SUSD3: variants seen among roughly 807,000 people sequenced by gnomAD.
SUSD3 encodes sushi domain containing 3.
A neutral mutation model predicts 20.6 loss-of-function variants in SUSD3; 18 were observed. The observed-to-expected ratio is 0.87, with a 90% CI of 0.60 to 1.30. SUSD3 has a LOEUF of 1.30. Among genes scored for constraint, SUSD3 ranks in the 50% most tolerant of loss-of-function variants. SUSD3 has a pLI of 0.00. For missense variants in SUSD3, 306 were observed against 346.9 expected (o/e 0.88, Z 0.94); for synonymous variants, 137 against 141.5 (o/e 0.97, Z 0.23).
chr9:93,063,130 T>A (rs971579158), intron 1 of SUSD3, among the ~76,000 whole-genome samples: 1 of 151,856 alleles, frequency 6.6e-6, no homozygotes, highest in Admixed American at 6.6e-5. Flanking sequence ...AGGAAAGGAG[T>A]ACAGGAGACC....
At chr9:93,062,952 G>A (rs1008297912) in intron 1 of SUSD3, among the ~76,000 whole-genome samples, 2 of 152,190 alleles carry the variant, frequency 1.3e-5, no homozygotes, top group East Asian at 1.9e-4. Context: ...CTGTGAGTTC[G>A]CTGTGAATCC....
chr9:93,078,548 C>T (rs1252267764), intron 3 of SUSD3, among the ~76,000 whole-genome samples: 1 of 152,120 alleles, frequency 6.6e-6, no homozygotes, highest in Admixed American at 6.5e-5. Flanking sequence ...AGGCGTGAGC[C>T]ACCGCGCCCG....
At position 93,061,289 on chromosome 9, in the gene SUSD3, C is replaced by T. The variant is rs79910083; in HGVS notation, c.88+2459C>T. Among the ~76,000 whole-genome samples the T allele has an allele frequency of 6.5e-3, 988 of 152,340 alleles. 6 individuals carry two copies. The highest frequency in any genetic ancestry group is 0.01 in the Middle Eastern group (3 of 294). ...CTCCTGCCCCAGAACTGGACTGTGT[C>T]CATTTTACAGAGGAGAAACTGAGAC... On this transcript the variant is annotated intron_variant, in intron 1 of 4. Coordinates refer to ENST00000375472, the MANE Select transcript of SUSD3 (RefSeq NM_145006.4).
At chr9:93,076,520 C>A (rs1826174620) in intron 2 of SUSD3, among the ~76,000 whole-genome samples, 1 of 152,170 alleles carries the variant, frequency 6.6e-6, no homozygotes, top group Admixed American at 6.6e-5. Flanking sequence ...AGTCCCTTTT[C>A]AGTGCCCAGC....
chr9:93,076,085 GC>G, intron 2 of SUSD3, 113 bp downstream of exon 2: 1 of 938,232 alleles, frequency 1.1e-6, no homozygotes, highest in Non-Finnish European at 1.6e-6. Context: ...AAGCAGCTAG[GC>G]CAGTGTGTAG....
chr9:93,069,214 G>T (rs140908862), intron 1 of SUSD3: 1 of 690,418 alleles, frequency 1.4e-6, no homozygotes, highest in South Asian at 1.5e-5. Flanking sequence ...GCTCCACCCC[G>T]CCTGGGATTG....
At chr9:93,065,087 C>T (rs922295015) in intron 1 of SUSD3, among the ~76,000 whole-genome samples, 12 of 152,160 alleles carry the variant, frequency 7.9e-5, no homozygotes. Context: ...GCCACCCCTT[C>T]CCTGGGACCC....
chr9:93,084,838 T>C lies in SUSD3; in HGVS notation c.*91T>C, dbSNP rs943515470. 2 of 1,179,752 alleles carry C rather than the reference T, an allele frequency of 1.7e-6. No homozygotes were observed. The highest frequency in any genetic ancestry group is 2.3e-6 in the Non-Finnish European group (2 of 871,686). The allele number at this position is 1,179,752 out of a possible 1,614,324, so 73.1% of individuals were successfully genotyped here. A position where few individuals can be genotyped will look rare whatever the true frequency, so the allele number is the denominator to read the frequency against. On this transcript the variant is annotated 3_prime_UTR_variant, in exon 5 of 5. Coordinates refer to ENST00000375472, the MANE Select transcript of SUSD3 (RefSeq NM_145006.4). ...GCTACAACTCCACATCAACTCCACA[T>C]GCGCCCAGCTCGAGACTGATGAGTG...
At chr9:93,068,418 G>A (rs1224052033) in intron 1 of SUSD3, among the ~76,000 whole-genome samples, 3 of 152,156 alleles carry the variant, frequency 2.0e-5, no homozygotes, top group Non-Finnish European at 2.9e-5. Context: ...TCAGTTTGTT[G>A]AAAAACTATT....
Position 93,061,428 on chromosome 9 carries a change from C to T in SUSD3, c.88+2598C>T, listed in dbSNP as rs562925373. ...GCTGCTGGTAGAAGGCATAGGTTCCCGGACCCTCGGTTTTCCACCAGGGAT... is the reference window on the plus strand; with the variant it reads ...GCTGCTGGTAGAAGGCATAGGTTCCTGGACCCTCGGTTTTCCACCAGGGAT... On this transcript the variant is annotated intron_variant, in intron 1 of 4. Transcript: ENST00000375472. 2.0e-5 allele frequency among the ~76,000 whole-genome samples: 3 copies of T among 152,398 alleles called. No individual in the cohort carries two copies. In the South Asian group the frequency reaches 6.2e-4, roughly 32 times the overall value.
At chr9:93,061,887 T>A (rs996638846) in intron 1 of SUSD3, among the ~76,000 whole-genome samples, 4 of 152,224 alleles carry the variant, frequency 2.6e-5, no homozygotes, top group African/African-American at 9.6e-5. Context: ...AGCCTGCCTC[T>A]GTCACTCTCT....
chr9:93,064,337 C>A (rs902848448), intron 1 of SUSD3, among the ~76,000 whole-genome samples: 1 of 152,222 alleles, frequency 6.6e-6, no homozygotes, highest in African/African-American at 2.4e-5. Flanking sequence ...TGAGCCACCG[C>A]ACCCAGCCGA....
chr9:93,077,343 T>C (rs968771697), intron 2 of SUSD3, among the ~76,000 whole-genome samples: 2 of 151,960 alleles, frequency 1.3e-5, no homozygotes, highest in Admixed American at 1.3e-4. Context: ...CTGTCTATTG[T>C]CACCTCCTCT....
chr9:93,069,293 C>T, intron 1 of SUSD3: 1 of 573,594 alleles, frequency 1.7e-6, no homozygotes, highest in South Asian at 2.2e-5. Flanking sequence ...GTTCAGGCAA[C>T]TCTCATTTCA....
chr9:93,074,718 G>A (rs566685235), intron 1 of SUSD3, among the ~76,000 whole-genome samples: 3 of 145,570 alleles, frequency 2.1e-5, no homozygotes, highest in Non-Finnish European at 4.5e-5. Flanking sequence ...TGGTTCAATC[G>A]ATTCTCCTGC....
chr9:93,073,973 G>A (rs1009031195), intron 1 of SUSD3, among the ~76,000 whole-genome samples: 4 of 152,180 alleles, frequency 2.6e-5, no homozygotes, highest in South Asian at 4.1e-4. Context: ...CTCATCTGTC[G>A]ATGGGGATAA....
At chr9:93,074,239 G>A (rs1826029584) in intron 1 of SUSD3, among the ~76,000 whole-genome samples, 1 of 152,004 alleles carries the variant, frequency 6.6e-6, no homozygotes, top group South Asian at 2.1e-4. Flanking sequence ...GGTCATCATG[G>A]CCAACATGGT....
intron 1 of SUSD3, among the ~76,000 whole-genome samples, chr9:93,073,244 C>CTTTT (rs573555207): frequency 4.0e-5 from 5 of 123,904 alleles, no homozygotes; most frequent in East Asian, 2.3e-4. Flanking sequence ...TGTCCCTGTT[C>CTTTT]TTTTTTTTTT....
chr9:93,075,820 C>G lies in SUSD3; in HGVS notation c.125C>G (p.Thr42Ser). 6.2e-7 allele frequency: 1 copy of G among 1,606,066 alleles called. No homozygotes were observed. The highest frequency in any genetic ancestry group is 1.1e-5 in the South Asian group (1 of 90,912). Residue 42 changes from threonine (T) to serine (S), a missense_variant, in exon 2 of 5, where the codon ACC (threonine) becomes AGC (serine). Transcript: ENST00000375472. ...AAGCTGCGGCTACCCCCGCAAGCAACCTTCCAAGTCCTTCGTGGCAATGGT... is the reference window on the plus strand; with the variant it reads ...AAGCTGCGGCTACCCCCGCAAGCAAGCTTCCAAGTCCTTCGTGGCAATGGT... ...CAKLRLPPQA[T>S]FQVLRGNGAS...
Sources: gnomAD v4.1 joint callset for allele counts (sites outside exome capture counted in the v4.1 genomes callset) on GRCh38, gnomAD v4.1.1 for gene constraint, MANE v1.5 for transcripts, NCBI Gene and HGNC (gene_info 2026-07-23, HGNC 2026-07-21) for gene names.